ARHGAP18: variants seen among roughly 807,000 people sequenced by gnomAD.
ARHGAP18 encodes rho GTPase-activating protein 18.
ARHGAP18 carries 67 observed loss-of-function variants against 86.2 expected under a neutral mutation model. The observed-to-expected ratio is 0.78, with a 90% CI of 0.64 to 0.95. The LOEUF is 0.95. ARHGAP18 is among the 40% of genes least tolerant of loss of function. ARHGAP18 has a pLI of 0.00. For missense variants in ARHGAP18, 691 were observed against 780.4 expected, an observed-to-expected ratio of 0.89 and a Z score of 1.37; for synonymous variants, 283 against 280.4, an observed-to-expected ratio of 1.01 and a Z score of -0.09.
At chr6:129,631,901 A>G (rs1388402735) in intron 4 of ARHGAP18, among the ~76,000 whole-genome samples, 1 of 152,032 alleles carries the variant, frequency 6.6e-6, no homozygotes, top group Non-Finnish European at 1.5e-5. Context: ...TGGGCCTTTA[A>G]TAGAGTTTAT....
At chr6:129,624,126 T>C (rs1265616825) in intron 5 of ARHGAP18, among the ~76,000 whole-genome samples, 1 of 152,234 alleles carries the variant, frequency 6.6e-6, no homozygotes, top group Non-Finnish European at 1.5e-5. Flanking sequence ...CATTCCACTG[T>C]TTGAGTCAAC....
intron 9 of ARHGAP18, among the ~76,000 whole-genome samples, chr6:129,607,271 C>T (rs1402762060): frequency 6.6e-6 from 1 of 151,976 alleles, no homozygotes; most frequent in Non-Finnish European, 1.5e-5. Context: ...GATAATTAGG[C>T]CAGTAGATAA....
In ARHGAP18 at chr6:129,697,569, T is replaced by C. The variant is rs538960204; in HGVS notation, c.113+12455A>G. On this transcript the variant is annotated intron_variant, in intron 1 of 14. Transcript: ENST00000368149. ...TCATTTACTACCTGTCAGGCCTCTA[T>C]TGATTCTTCTGTAAATAAACCTTGT... Among the ~76,000 whole-genome samples the C allele has an allele frequency of 1.6e-4, 24 of 152,212 alleles. 1 individual carries two copies. Among genetic ancestry groups the C allele is most frequent in the Non-Finnish European group, 2.2e-4 (15 of 68,032 alleles).
intron 5 of ARHGAP18, among the ~76,000 whole-genome samples, chr6:129,620,881 C>T (rs150768876): frequency 8.5e-4 from 130 of 152,248 alleles, no homozygotes; most frequent in African/African-American, 2.9e-3. Flanking sequence ...CTCATTCTCT[C>T]GTGAGTATAG....
chr6:129,641,497 G>A (rs990858303), intron 2 of ARHGAP18, among the ~76,000 whole-genome samples: 1 of 152,132 alleles, frequency 6.6e-6, no homozygotes, highest in Non-Finnish European at 1.5e-5. Flanking sequence ...ATGACAATGT[G>A]GCTACCACAT....
intron 11 of ARHGAP18, among the ~76,000 whole-genome samples, chr6:129,599,934 T>C (rs1480538531): frequency 6.6e-6 from 1 of 152,186 alleles, no homozygotes; most frequent in Non-Finnish European, 1.5e-5. Flanking sequence ...TGAGATTTAA[T>C]AAATGGACAT....
chr6:129,698,595 T>C (rs1390415999), intron 1 of ARHGAP18, among the ~76,000 whole-genome samples: 1 of 150,394 alleles, frequency 6.6e-6, no homozygotes, highest in African/African-American at 2.5e-5. Flanking sequence ...CAGGCTGGAG[T>C]GCAGTAACGA....
chr6:129,579,922 A>G, intron 14 of ARHGAP18, 148 bp downstream of exon 14: 1 of 718,976 alleles, frequency 1.4e-6, no homozygotes, highest in Non-Finnish European at 2.3e-6. Context: ...AGGTCAAACC[A>G]TTAAAGAAAT....
chr6:129,617,442 T>C lies in ARHGAP18; in HGVS notation c.953-1139A>G, dbSNP rs1263839478. Among the ~76,000 whole-genome samples the C allele has an allele frequency of 3.3e-5, 5 of 152,270 alleles. No individual in the cohort carries two copies. The East Asian group carries it at 9.7e-4, about 29-fold the overall frequency. On this transcript the variant is annotated intron_variant, in intron 6 of 14. Coordinates refer to ENST00000368149, the MANE Select transcript of ARHGAP18 (RefSeq NM_033515.3). ...AAAAGAACGCCAGTAACCCAGTAAA[T>C]AACTTTTCAGTTTGGGAATTCGGAA...
intron 8 of ARHGAP18, among the ~76,000 whole-genome samples, chr6:129,609,701 C>G (rs1788939269): frequency 6.6e-6 from 1 of 152,186 alleles, no homozygotes; most frequent in South Asian, 2.1e-4. Context: ...CAATGACAAG[C>G]TATGAAACTT....
At chr6:129,633,379 G>A (rs1773258647) in intron 4 of ARHGAP18, among the ~76,000 whole-genome samples, 1 of 147,858 alleles carries the variant, frequency 6.8e-6, no homozygotes, top group Admixed American at 6.8e-5. Context: ...AGGTTGCAGT[G>A]AGCCAAGACG....
chr6:129,587,705 C>A (rs1788424667), intron 12 of ARHGAP18, among the ~76,000 whole-genome samples: 1 of 152,078 alleles, frequency 6.6e-6, no homozygotes, highest in Non-Finnish European at 1.5e-5. Context: ...GTTACCACCC[C>A]CATGATTCAA....
At position 129,692,038 on chromosome 6, in the gene ARHGAP18, G is replaced by A. The variant is rs116624315; in HGVS notation, c.113+17986C>T. On this transcript the variant is annotated intron_variant, in intron 1 of 14. Transcript: ENST00000368149. ...CCAGCACCTCTGCAAAGTGACAGAG[G>A]AGGAGCAACTGCCCTTTCCTTCCAT... is the stretch of plus-strand genomic sequence containing the variant. 9.4e-3 allele frequency among the ~76,000 whole-genome samples: 1,433 copies of A among 152,282 alleles called. 24 individuals are homozygous for A. Among genetic ancestry groups the A allele is most frequent in the African/African-American group, 0.033 (1,361 of 41,554 alleles).
At chr6:129,614,559 G>A (rs865911097) in intron 7 of ARHGAP18, among the ~76,000 whole-genome samples, 24 of 152,160 alleles carry the variant, frequency 1.6e-4, no homozygotes, top group Middle Eastern at 3.4e-3. Flanking sequence ...AAGAGAAAAT[G>A]ACAAAGGAAG....
At chr6:129,694,293 T>TC (rs1562727276) in intron 1 of ARHGAP18, among the ~76,000 whole-genome samples, 1 of 152,210 alleles carries the variant, frequency 6.6e-6, no homozygotes, top group Non-Finnish European at 1.5e-5. Context: ...ATTGCCTAGG[T>TC]CTAAATCTCA....
chr6:129,706,342 G>A (rs1395573748), intron 1 of ARHGAP18, among the ~76,000 whole-genome samples: 2 of 152,156 alleles, frequency 1.3e-5, no homozygotes, highest in Admixed American at 6.5e-5. Context: ...TGTACAAGTC[G>A]GCCATGACAA....
chr6:129,645,821 G>T (rs975369990), intron 1 of ARHGAP18, among the ~76,000 whole-genome samples: 1 of 152,054 alleles, frequency 6.6e-6, no homozygotes, highest in Non-Finnish European at 1.5e-5. Flanking sequence ...ATCCTGATGG[G>T]CCTTCCTGGA....
At chr6:129,605,672 A>G (rs1274374128) in intron 10 of ARHGAP18, among the ~76,000 whole-genome samples, 1 of 152,218 alleles carries the variant, frequency 6.6e-6, no homozygotes, top group Non-Finnish European at 1.5e-5. Flanking sequence ...TGAAAATTAA[A>G]AAAAACAAAA....
In ARHGAP18 at chr6:129,629,537, G is replaced by T. The variant is rs559468438; in HGVS notation, c.617-15C>A. ...AGATGCCTCGTCTAGGGGCCCGGGGGGAAAGAACCCAATTCATATGCTTTA... is the reference window on the plus strand; with the variant it reads ...AGATGCCTCGTCTAGGGGCCCGGGGTGAAAGAACCCAATTCATATGCTTTA... On this transcript the variant is annotated splice_polypyrimidine_tract_variant and intron_variant, in intron 4 of 14. Coordinates refer to ENST00000368149, the MANE Select transcript of ARHGAP18 (RefSeq NM_033515.3). 6.3e-7 allele frequency: 1 copy of T among 1,593,456 alleles called. No individual in the cohort carries two copies. Among genetic ancestry groups the T allele is most frequent in the South Asian group, 1.2e-5 (1 of 86,930 alleles).
Sources: gnomAD v4.1 joint callset for allele counts (sites outside exome capture counted in the v4.1 genomes callset) on GRCh38, gnomAD v4.1.1 for gene constraint, MANE v1.5 for transcripts, NCBI Gene and HGNC (gene_info 2026-07-23, HGNC 2026-07-21) for gene names.